ELAVL4: variants seen among roughly 807,000 people sequenced by gnomAD.
ELAVL4 encodes the protein ELAV-like protein 4.
A neutral mutation model predicts 35.6 loss-of-function variants in ELAVL4; 1 was observed. The observed-to-expected ratio is 0.03, with a 90% CI of 0.01 to 0.13. The LOEUF (loss-of-function observed/expected upper bound fraction) is 0.13, where lower values mean the gene tolerates loss of function less well. ELAVL4 is among the 10% of genes least tolerant of loss of function. ELAVL4 has a pLI of 1.00. For missense variants in ELAVL4, 267 were observed against 464.9 expected (o/e 0.57, Z 3.91); for synonymous variants, 156 against 171.0 (o/e 0.91, Z 0.69).
rs371703289 is a variant in ELAVL4, at chr1:50,173,838, GA to G, written c.251-3242del. On this transcript the variant is annotated intron_variant, in intron 2 of 6. Coordinates refer to ENST00000371824, the MANE Select transcript of ELAVL4 (RefSeq NM_001144774.3). Reference sequence around the variant, plus strand: ...TAAAGGGAGAAGATGTAGCCATTTGGAAAAAAAAAGAAAGAGTAATAAAAAG... The same window carrying G: ...TAAAGGGAGAAGATGTAGCCATTTGGAAAAAAAAGAAAGAGTAATAAAAAG... Among the ~76,000 whole-genome samples the G allele has an allele frequency of 3.2e-3, 476 of 149,800 alleles. 5 individuals are homozygous for G. Among genetic ancestry groups the G allele is most frequent in the African/African-American group, 0.011 (452 of 40,862 alleles).
chr1:50,122,567 A>G (rs1388205097), intron 1 of ELAVL4, among the ~76,000 whole-genome samples: 2 of 152,102 alleles, frequency 1.3e-5, no homozygotes, highest in Non-Finnish European at 2.9e-5. Flanking sequence ...GGGCAGATCC[A>G]TCTGTCCCAA....
At chr1:50,083,137 G>C (rs1665085290) in intron 1 of ELAVL4, among the ~76,000 whole-genome samples, 2 of 152,136 alleles carry the variant, frequency 1.3e-5, no homozygotes, top group Non-Finnish European at 2.9e-5. Context: ...ATGCCCTGTA[G>C]CCTCAAACTC....
chr1:50,112,154 T>G (rs1376458664), intron 1 of ELAVL4, among the ~76,000 whole-genome samples: 1 of 152,102 alleles, frequency 6.6e-6, no homozygotes, highest in Non-Finnish European at 1.5e-5. Context: ...ATTTTCACTC[T>G]TGAGGTAAAA....
intron 1 of ELAVL4, among the ~76,000 whole-genome samples, chr1:50,057,545 C>A (rs1663743836): frequency 6.6e-6 from 1 of 152,152 alleles, no homozygotes; most frequent in African/African-American, 2.4e-5. Flanking sequence ...TAAACATGTA[C>A]TGTTTTTAAT....
intron 1 of ELAVL4, among the ~76,000 whole-genome samples, chr1:50,059,808 A>T (rs1326706712): frequency 2.6e-5 from 4 of 152,252 alleles, no homozygotes; most frequent in African/African-American, 7.2e-5. Flanking sequence ...TATATGCTAC[A>T]ACATGGATGA....
At chr1:50,139,489 G>A (rs72688522) in intron 1 of ELAVL4, among the ~76,000 whole-genome samples, 21 of 152,314 alleles carry the variant, frequency 1.4e-4, no homozygotes, top group Non-Finnish European at 2.9e-4. Context: ...TTGAATTCAA[G>A]AAGGGTCTGC....
intron 2 of ELAVL4, among the ~76,000 whole-genome samples, chr1:50,153,692 T>C (rs1035139507): frequency 1.3e-5 from 2 of 152,216 alleles, no homozygotes; most frequent in Admixed American, 6.5e-5. Flanking sequence ...GACATTGTTA[T>C]GGAATGAATG....
intron 1 of ELAVL4, among the ~76,000 whole-genome samples, chr1:50,059,900 TA>T (rs1288119733): frequency 6.6e-6 from 1 of 152,106 alleles, no homozygotes; most frequent in Non-Finnish European, 1.5e-5. Flanking sequence ...CCAGAATAGA[TA>T]AATCTATAGT....
chr1:50,193,722 G>T (rs1235417471), intron 3 of ELAVL4, 43 bp from the exon 4 acceptor site: 1 of 1,593,902 alleles, frequency 6.3e-7, no homozygotes, highest in African/African-American at 1.3e-5. Flanking sequence ...TACTCTGAGG[G>T]TGATTGCCTA....
At chr1:50,184,977 A>G (rs1482855766) in intron 3 of ELAVL4, among the ~76,000 whole-genome samples, 1 of 152,256 alleles carries the variant, frequency 6.6e-6, no homozygotes, top group African/African-American at 2.4e-5. Context: ...AATAAAATTC[A>G]AAGTTCAGTT....
At chr1:50,101,113 A>G (rs1346701772), upstream of ELAVL4, among the ~76,000 whole-genome samples, 1 of 152,130 alleles carries the variant, frequency 6.6e-6, no homozygotes, top group East Asian at 1.9e-4. Flanking sequence ...AGCCACCCCT[A>G]GTTGAATCAA....
intron 2 of ELAVL4, among the ~76,000 whole-genome samples, chr1:50,160,266 T>A (rs911764061): frequency 2.6e-5 from 4 of 152,228 alleles, no homozygotes; most frequent in African/African-American, 7.2e-5. Flanking sequence ...CCGAGCTTTT[T>A]AGAAAATCAA....
At chr1:50,090,475 A>G (rs1237297832) in intron 1 of ELAVL4, among the ~76,000 whole-genome samples, 1 of 152,184 alleles carries the variant, frequency 6.6e-6, no homozygotes, top group Non-Finnish European at 1.5e-5. Context: ...AAAAAATTGA[A>G]CAGTATATAT....
At chr1:50,106,393 G>C, upstream of ELAVL4, 5 of 1,612,326 alleles carry the variant, frequency 3.1e-6, no homozygotes, top group Non-Finnish European at 4.2e-6. Context: ...GCTCATTTAT[G>C]GTAAGAGGAA....
rs538719414 is a variant in ELAVL4 at position 50,130,466 on chromosome 1, T to G, written c.10-14491T>G. Among the ~76,000 whole-genome samples, 6 of 152,286 alleles carry G rather than the reference T, an allele frequency of 3.9e-5. No individual in the cohort carries two copies. In the East Asian group the frequency reaches 9.7e-4, roughly 25 times the overall value. ...TGTGAGAATTAAGTGAAGTGATGTA[T>G]GTAAAGACACCTCTCACCATTTCTT... On this transcript the variant is annotated intron_variant, in intron 1 of 6. Coordinates refer to ENST00000371824, the MANE Select transcript of ELAVL4 (RefSeq NM_001144774.3).
intron 1 of ELAVL4, among the ~76,000 whole-genome samples, chr1:50,070,357 T>C (rs1664457067): frequency 6.6e-6 from 1 of 152,210 alleles, no homozygotes; most frequent in South Asian, 2.1e-4. Flanking sequence ...ATAGGGAGAA[T>C]GGGGTCCTCT....
intron 3 of ELAVL4, among the ~76,000 whole-genome samples, chr1:50,178,149 A>G (rs1361905637): frequency 6.6e-6 from 1 of 152,142 alleles, no homozygotes; most frequent in Non-Finnish European, 1.5e-5. Flanking sequence ...CTGCCAGCCA[A>G]TTAATGAGTC....
At chr1:50,157,209 C>T (rs1675919392) in intron 2 of ELAVL4, among the ~76,000 whole-genome samples, 1 of 152,040 alleles carries the variant, frequency 6.6e-6, no homozygotes, top group South Asian at 2.1e-4. Context: ...AGTTCTTGTT[C>T]TCGGGCTAGC....
intron 3 of ELAVL4, among the ~76,000 whole-genome samples, chr1:50,189,748 T>A (rs2148868728): frequency 6.6e-6 from 1 of 152,326 alleles, no homozygotes; most frequent in African/African-American, 2.4e-5. Context: ...AAGTTCTAGG[T>A]ATGTGCTAGA....
Sources: allele counts gnomAD v4.1 joint callset (sites outside exome capture counted in the v4.1 genomes callset), GRCh38; gene constraint gnomAD v4.1.1; transcripts MANE v1.5; gene names NCBI Gene and HGNC (gene_info 2026-07-23, HGNC 2026-07-21).